The following LMTK2 variants were observed in gnomAD, a reference collection of about 807,000 sequenced individuals.
The protein encoded by LMTK2 is serine/threonine-protein kinase LMTK2.
In LMTK2, 37 loss-of-function variants were observed where a neutral mutation model predicts 127.5. The observed-to-expected ratio is 0.29, with a 90% confidence interval of 0.22 to 0.38. The LOEUF (loss-of-function observed/expected upper bound fraction) is 0.38. LMTK2 is among the 10% of genes least tolerant of loss of function. LMTK2 has a pLI of 1.00. For missense variants in LMTK2, 1,694 were observed against 1,920.3 expected, an observed-to-expected ratio of 0.88 and a Z score of 2.20; for synonymous variants, 819 against 810.1, an observed-to-expected ratio of 1.01 and a Z score of -0.19.
intron 1 of LMTK2, among the ~76,000 whole-genome samples, chr7:98,110,027 T>C (rs534805709): frequency 2.0e-5 from 3 of 152,174 alleles, no homozygotes; most frequent in Non-Finnish European, 4.4e-5. Flanking sequence ...CCTGCACTCC[T>C]TGTGAAGATA....
intron 1 of LMTK2, among the ~76,000 whole-genome samples, chr7:98,121,473 A>G (rs1297753420): frequency 8.8e-6 from 1 of 113,402 alleles, no homozygotes; most frequent in African/African-American, 3.1e-5. Context: ...CTAAAATACA[A>G]AAAAAAAAAA....
intron 3 of LMTK2, among the ~76,000 whole-genome samples, chr7:98,146,610 C>G (rs11980911): frequency 6.6e-6 from 1 of 151,988 alleles, no homozygotes; most frequent in Non-Finnish European, 1.5e-5. Flanking sequence ...TGAATTGATA[C>G]CAGCTTAGCT....
intron 1 of LMTK2, among the ~76,000 whole-genome samples, chr7:98,130,609 G>T (rs1796507373): frequency 6.6e-6 from 1 of 152,144 alleles, no homozygotes; most frequent in Non-Finnish European, 1.5e-5. Flanking sequence ...GGTCATGAGG[G>T]TGGGCCTAAT....
intron 6 of LMTK2, among the ~76,000 whole-genome samples, chr7:98,167,606 C>G (rs969045664): frequency 6.6e-6 from 1 of 152,208 alleles, no homozygotes; most frequent in Non-Finnish European, 1.5e-5. Context: ...CACTTTTGGT[C>G]TGACGCACTT....
At chr7:98,150,336 CTAAAA>C (rs1184965393) in intron 3 of LMTK2, among the ~76,000 whole-genome samples, 1 of 148,826 alleles carries the variant, frequency 6.7e-6, no homozygotes, top group Non-Finnish European at 1.5e-5. Context: ...AAAATGAAAA[CTAAAA>C]TAAGATTGCA....
In LMTK2 at chr7:98,192,772, T is replaced by A; in HGVS notation, c.2307T>A (p.Thr769=). 1 of 1,613,848 alleles carries A rather than the reference T, an allele frequency of 6.2e-7. No homozygotes were observed. The highest frequency in any genetic ancestry group is 8.5e-7 in the Non-Finnish European group (1 of 1,179,786). Residue 769 remains threonine (T), a synonymous_variant, in exon 11 of 14, where the codon ACT becomes ACA. Transcript: ENST00000297293. ...LETSCRNSLD[T]ELQFAENKPG... ...CGTCATGTAGAAACTCTTTAGATAC[T>A]GAGCTTCAGTTTGCTGAAAATAAGC...
intron 2 of LMTK2, among the ~76,000 whole-genome samples, chr7:98,139,205 A>T (rs539753562): frequency 6.6e-6 from 1 of 152,102 alleles, no homozygotes; most frequent in South Asian, 2.1e-4. Flanking sequence ...TCAACCTCCC[A>T]GGCTCAAGCA....
At position 98,141,485 on chromosome 7, in the gene LMTK2, C is replaced by T; in HGVS notation, c.320C>T (p.Thr107Ile). The T allele has an allele frequency of 6.2e-7, 1 of 1,614,042 alleles. No homozygotes were observed. Among genetic ancestry groups the T allele is most frequent in the Non-Finnish European group, 8.5e-7 (1 of 1,179,864 alleles). Residue 107 changes from threonine (T) to isoleucine (I), a missense_variant, in exon 3 of 14, where the codon ACA (threonine) becomes ATA (isoleucine). By Grantham distance (89) the Thr-to-Ile change is moderately conservative. Around this residue, in one of 8 missense-constraint regions of LMTK2, gnomAD observed 203 missense variants for 226.2 expected, o/e 0.90. Coordinates refer to ENST00000297293, the MANE Select transcript of LMTK2 (RefSeq NM_014916.4). ...GTTCAGTCCCCAGCAGAGGTCTTCACACTTTCAGTACCAAATATTTCACTC... is the reference window on the plus strand; with the variant it reads ...GTTCAGTCCCCAGCAGAGGTCTTCATACTTTCAGTACCAAATATTTCACTC... ...PSVQSPAEVF[T>I]LSVPNISLPA... is the part of the protein sequence containing the mutation.
intron 5 of LMTK2, among the ~76,000 whole-genome samples, chr7:98,157,076 T>C (rs1158872363): frequency 6.6e-6 from 1 of 152,120 alleles, no homozygotes; most frequent in Non-Finnish European, 1.5e-5. Context: ...GGTGAGACCC[T>C]GTCTGTAGAA....
At position 98,140,077 on chromosome 7, in the gene LMTK2, ACTTTCTTTCTTTCTTT is replaced by A. The variant is rs1197009143; in HGVS notation, c.232-1267_232-1252del. Reference sequence around the variant, plus strand: ...GAACGTCACGTAAAAGGTTTCCACAACTTTCTTTCTTTCTTTCTTTCTTTCTTTCTTTCTTTCTTTC... The same window carrying A: ...GAACGTCACGTAAAAGGTTTCCACAACTTTCTTTCTTTCTTTCTTTCTTTC... On this transcript the variant is annotated intron_variant, in intron 2 of 13. Transcript: ENST00000297293. Among the ~76,000 whole-genome samples the A allele has an allele frequency of 8.4e-5, 2 of 23,710 alleles. 1 individual carries two copies. Among genetic ancestry groups the A allele is most frequent in the African/African-American group, 1.8e-4 (2 of 10,962 alleles). The allele number at this position is 23,710 out of a possible 152,430, so 15.6% of individuals were successfully genotyped here.
At chr7:98,157,982 C>T (rs1213903349) in intron 5 of LMTK2, among the ~76,000 whole-genome samples, 4 of 152,130 alleles carry the variant, frequency 2.6e-5, no homozygotes, top group Non-Finnish European at 4.4e-5. Flanking sequence ...TTGCACTGTA[C>T]GTCATTGTGT....
Position 98,203,934 on chromosome 7 carries a change from T to C in LMTK2, c.4241-10T>C. Reference sequence around the variant, plus strand: ...GATAAAAAGGGTGGGGTTTTATTTTTTATTTCTAGGTGGTGGCTTTGAGTG... The same window carrying C: ...GATAAAAAGGGTGGGGTTTTATTTTCTATTTCTAGGTGGTGGCTTTGAGTG... On this transcript the variant is annotated splice_polypyrimidine_tract_variant and intron_variant, in intron 12 of 13. Transcript: ENST00000297293. 1.2e-6 allele frequency: 2 copies of C among 1,612,426 alleles called. No homozygotes were observed. The highest frequency in any genetic ancestry group is 1.7e-6 in the Non-Finnish European group (2 of 1,179,586).
At chr7:98,152,300 G>T (rs1254257348) in intron 4 of LMTK2, among the ~76,000 whole-genome samples, 2 of 152,202 alleles carry the variant, frequency 1.3e-5, no homozygotes, top group Non-Finnish European at 2.9e-5. Context: ...GTCGTGCTCT[G>T]CAAGAGGTTC....
At chr7:98,196,588 G>A (rs975896173) in intron 11 of LMTK2, among the ~76,000 whole-genome samples, 5 of 152,214 alleles carry the variant, frequency 3.3e-5, no homozygotes, top group Non-Finnish European at 7.3e-5. Context: ...AAGCCTGGGG[G>A]TAGCTGGAGT....
At chr7:98,179,288 G>A (rs1480538506) in intron 7 of LMTK2, among the ~76,000 whole-genome samples, 1 of 152,238 alleles carries the variant, frequency 6.6e-6, no homozygotes, top group Non-Finnish European at 1.5e-5. Flanking sequence ...GCCTGAGCTC[G>A]ACATCGCCCA....
At chr7:98,125,915 T>C (rs1343796052) in intron 1 of LMTK2, among the ~76,000 whole-genome samples, 11 of 152,204 alleles carry the variant, frequency 7.2e-5, no homozygotes. Flanking sequence ...CCCAGCCGTC[T>C]CTCACCGCCA....
chr7:98,128,838 A>T (rs1408227729), intron 1 of LMTK2, among the ~76,000 whole-genome samples: 2 of 152,174 alleles, frequency 1.3e-5, no homozygotes, highest in Non-Finnish European at 2.9e-5. Flanking sequence ...GAGGGAGAAC[A>T]TAAATTGGAG....
In LMTK2 at chr7:98,192,093, A is replaced by G; in HGVS notation, c.1628A>G (p.His543Arg). Reference protein sequence around the residue: ...VPGVVPVFDAHNLSVGSDYYI... With the variant: ...VPGVVPVFDARNLSVGSDYYI... ...GGAGTGGTTCCTGTTTTTGATGCCCACAACCTTTCTGTTGGAAGCGACTAT... is the reference window on the plus strand; with the variant it reads ...GGAGTGGTTCCTGTTTTTGATGCCCGCAACCTTTCTGTTGGAAGCGACTAT... The change falls in exon 11 of 14, where the codon CAC (histidine) becomes CGC (arginine). Residue 543 changes from histidine to arginine, a missense_variant. Physicochemically the swap from His to Arg is conservative, Grantham distance 29. Coordinates refer to ENST00000297293, the MANE Select transcript of LMTK2 (RefSeq NM_014916.4). The G allele has an allele frequency of 1.3e-6, 2 of 1,563,388 alleles. No individual in the cohort carries two copies. Among genetic ancestry groups the G allele is most frequent in the South Asian group, 1.2e-5 (1 of 82,822 alleles).
At chr7:98,179,787 G>A (rs906110625) in intron 7 of LMTK2, among the ~76,000 whole-genome samples, 2 of 152,196 alleles carry the variant, frequency 1.3e-5, no homozygotes, top group Admixed American at 6.5e-5. Flanking sequence ...TCTGGATGGA[G>A]TGCAGAAAAT....
Sources: gnomAD v4.1 joint callset for allele counts (sites outside exome capture counted in the v4.1 genomes callset) on GRCh38, gnomAD v4.1.1 for gene constraint, gnomAD v4.1.1 regional missense constraint, MANE v1.5 for transcripts, NCBI Gene and HGNC (gene_info 2026-07-23, HGNC 2026-07-21) for gene names.